FARP1: variants seen among roughly 807,000 people sequenced by gnomAD.
FARP1 encodes FERM, ARHGEF and pleckstrin domain-containing protein 1.
Under a neutral mutation model 128.8 loss-of-function variants are expected in FARP1, and 52 were observed. The ratio of observed to expected loss-of-function variants is 0.40; its 90% CI spans 0.32 to 0.51. FARP1 has a LOEUF of 0.51. Ranked by LOEUF, FARP1 falls within the 20% of genes least tolerant of loss-of-function variation. FARP1 has a pLI of 0.45. For missense variants in FARP1, 1,333 were observed against 1,367.9 expected (o/e 0.97, Z 0.40); for synonymous variants, 580 against 551.8 (o/e 1.05, Z -0.72).
chr13:98,166,109 C>A (rs371442047), intron 1 of FARP1, among the ~76,000 whole-genome samples: 1 of 152,208 alleles, frequency 6.6e-6, no homozygotes, highest in Admixed American at 6.5e-5. Flanking sequence ...TAATACACTC[C>A]GAAGATGGTT....
intron 2 of FARP1, among the ~76,000 whole-genome samples, chr13:98,276,391 G>A (rs12586116): frequency 0.3 from 45,196 of 152,016 alleles, 7,101 homozygotes; most frequent in South Asian, 0.49. Flanking sequence ...CCCTGTTTAT[G>A]GAGTTGTTGA....
intron 16 of FARP1, among the ~76,000 whole-genome samples, chr13:98,421,326 C>T (rs1030663879): frequency 6.6e-6 from 1 of 152,196 alleles, no homozygotes; most frequent in Non-Finnish European, 1.5e-5. Context: ...TCATTCCCCA[C>T]CGCCCTCGCC....
rs572740367 is a variant in FARP1, at chr13:98,192,583, G to T, written c.-23-20637G>T. Among the ~76,000 whole-genome samples the T allele has an allele frequency of 1.2e-4, 18 of 152,146 alleles. 1 individual carries two copies. The East Asian group carries it at 2.1e-3, about 18-fold the overall frequency. ...TTTCTGTATGTTTAGTAGAGACAGG[G>T]TTTCACCATGTTGGCCAGGCTGGTC... On this transcript the variant is annotated intron_variant, in intron 1 of 26. Transcript: ENST00000319562.
At chr13:98,175,502 A>G (rs1877939666) in intron 1 of FARP1, among the ~76,000 whole-genome samples, 1 of 138,844 alleles carries the variant, frequency 7.2e-6, no homozygotes, top group South Asian at 2.5e-4. Flanking sequence ...TCCTTTTCTG[A>G]TATCTCTTTT....
chr13:98,429,981 G>A (rs1891948453), intron 17 of FARP1, among the ~76,000 whole-genome samples: 1 of 152,232 alleles, frequency 6.6e-6, no homozygotes, highest in African/African-American at 2.4e-5. Flanking sequence ...CCTCATGCCT[G>A]TATTCCCAGC....
intron 1 of FARP1, among the ~76,000 whole-genome samples, chr13:98,191,123 A>T (rs1362954678): frequency 1.3e-5 from 2 of 152,074 alleles, no homozygotes; most frequent in Non-Finnish European, 2.9e-5. Context: ...TCCCGGGCCT[A>T]CCCCAGCTGT....
chr13:98,197,930 C>G (rs192853491), intron 1 of FARP1, among the ~76,000 whole-genome samples: 1 of 152,092 alleles, frequency 6.6e-6, no homozygotes, highest in African/African-American at 2.4e-5. Flanking sequence ...CCACCGCGCC[C>G]GGCCAAAAGT....
At chr13:98,172,206 G>A (rs999327268) in intron 1 of FARP1, among the ~76,000 whole-genome samples, 2 of 151,900 alleles carry the variant, frequency 1.3e-5, no homozygotes, top group African/African-American at 2.4e-5. Flanking sequence ...GGAGTCCTGC[G>A]GACACCAGGG....
intron 2 of FARP1, among the ~76,000 whole-genome samples, chr13:98,245,915 C>A (rs968417459): frequency 3.3e-5 from 5 of 150,932 alleles, no homozygotes; most frequent in African/African-American, 1.2e-4. Flanking sequence ...ACTACAGATG[C>A]ACGCCGCCAC....
At chr13:98,421,709 T>G (rs1891601147) in intron 16 of FARP1, among the ~76,000 whole-genome samples, 1 of 151,756 alleles carries the variant, frequency 6.6e-6, no homozygotes, top group Non-Finnish European at 1.5e-5. Flanking sequence ...ACAAACAAAT[T>G]AGCTGGGATG....
rs1405779879 is a variant in FARP1 at position 98,143,347 on chromosome 13, A to G, written c.-169A>G. Reference sequence around the variant, plus strand: ...GCTCGGACCTCAGCCGGCCACCGCCAGCCCTGCTCGCGCGCCCGCGCCGCC... The same window carrying G: ...GCTCGGACCTCAGCCGGCCACCGCCGGCCCTGCTCGCGCGCCCGCGCCGCC... On this transcript the variant is annotated 5_prime_UTR_variant, in exon 1 of 27. Coordinates refer to ENST00000319562, the MANE Select transcript of FARP1 (RefSeq NM_005766.4). The G allele has an allele frequency of 6.8e-6, 1 of 146,820 alleles. No individual in the cohort carries two copies. Among genetic ancestry groups the G allele is most frequent in the Admixed American group, 6.8e-5 (1 of 14,784 alleles). The allele number at this position is 146,820 out of a possible 1,614,324, so 9.1% of individuals were successfully genotyped here. A position where few individuals can be genotyped will look rare whatever the true frequency, so the allele number is the denominator to read the frequency against.
At chr13:98,370,575 T>TG (rs202104525) in intron 5 of FARP1, among the ~76,000 whole-genome samples, 10 of 81,926 alleles carry the variant, frequency 1.2e-4, no homozygotes, top group African/African-American at 4.4e-4. Flanking sequence ...CTTGAGTGAC[T>TG]GGGGGGGAGA....
intron 3 of FARP1, among the ~76,000 whole-genome samples, chr13:98,364,033 C>A (rs1312387478): frequency 6.6e-6 from 1 of 152,234 alleles, no homozygotes; most frequent in Admixed American, 6.5e-5. Context: ...AGCCACCGCA[C>A]CTGGCCTGTC....
rs181606670 is a variant in FARP1 at position 98,334,693 on chromosome 13, A to G, written c.172-9069A>G. Among the ~76,000 whole-genome samples, 288 of 152,276 alleles carry G rather than the reference A, an allele frequency of 1.9e-3. 2 individuals carry two copies. The highest frequency in any genetic ancestry group is 6.8e-3 in the African/African-American group (281 of 41,542). Reference sequence around the variant, plus strand: ...GTATTTGGAGTAAGGAAGTACACTAATTAAGGTAAAATGAGGTCATGAAGA... The same window carrying G: ...GTATTTGGAGTAAGGAAGTACACTAGTTAAGGTAAAATGAGGTCATGAAGA... On this transcript the variant is annotated intron_variant, in intron 2 of 26. Coordinates refer to ENST00000319562, the MANE Select transcript of FARP1 (RefSeq NM_005766.4).
At chr13:98,223,106 C>T (rs982854883) in intron 2 of FARP1, among the ~76,000 whole-genome samples, 2 of 152,166 alleles carry the variant, frequency 1.3e-5, no homozygotes, top group Admixed American at 6.5e-5. Flanking sequence ...AAACCCAGGA[C>T]GTAGACCTGA....
intron 2 of FARP1, among the ~76,000 whole-genome samples, chr13:98,317,668 T>A (rs1886781426): frequency 6.6e-6 from 1 of 152,164 alleles, no homozygotes; most frequent in Non-Finnish European, 1.5e-5. Flanking sequence ...ACCACTTAGG[T>A]GGGGCTGTCA....
intron 2 of FARP1, among the ~76,000 whole-genome samples, chr13:98,217,063 T>G (rs1881103077): frequency 6.6e-6 from 1 of 152,122 alleles, no homozygotes; most frequent in Non-Finnish European, 1.5e-5. Context: ...CTGGGAAGGT[T>G]TTCTGTGTCC....
chr13:98,381,087 A>G (rs1322546861), intron 6 of FARP1, among the ~76,000 whole-genome samples: 1 of 152,202 alleles, frequency 6.6e-6, no homozygotes, highest in Non-Finnish European at 1.5e-5. Context: ...CAAAAGGCAA[A>G]TAGATGGGAT....
intron 5 of FARP1, among the ~76,000 whole-genome samples, chr13:98,371,749 TG>T (rs1169538637): frequency 2.6e-5 from 4 of 152,124 alleles, no homozygotes; most frequent in Non-Finnish European, 5.9e-5. Context: ...CCATGTCAGC[TG>T]TGCTTTGTGG....
Sources: gnomAD v4.1 joint callset for allele counts (sites outside exome capture counted in the v4.1 genomes callset) on GRCh38, gnomAD v4.1.1 for gene constraint, MANE v1.5 for transcripts, NCBI Gene and HGNC (gene_info 2026-07-23, HGNC 2026-07-21) for gene names.